Variants in CTIF observed in about 807,000 individuals in gnomAD.
CTIF encodes CBP80/20-dependent translation initiation factor.
CTIF carries 21 observed loss-of-function variants against 66.0 expected under a neutral mutation model. The ratio of observed to expected loss-of-function variants is 0.32; its 90% CI spans 0.23 to 0.46. CTIF has a LOEUF of 0.46. Among genes scored for constraint, CTIF ranks in the 20% least tolerant of loss-of-function variants. The pLI, the probability that CTIF is intolerant of heterozygous loss-of-function variation, is 1.00. For missense variants in CTIF, 739 were observed against 812.7 expected (o/e 0.91, Z 1.10); for synonymous variants, 345 against 326.4 (o/e 1.06, Z -0.62).
At chr18:48,846,801 G>C (rs2069089252) in intron 10 of CTIF, among the ~76,000 whole-genome samples, 1 of 151,556 alleles carries the variant, frequency 6.6e-6, no homozygotes, top group South Asian at 2.1e-4. Context: ...ATAGATACAT[G>C]GATGAAAGGA....
At chr18:48,819,406 C>T (rs984884236) in intron 10 of CTIF, among the ~76,000 whole-genome samples, 1 of 152,236 alleles carries the variant, frequency 6.6e-6, no homozygotes, top group Non-Finnish European at 1.5e-5. Context: ...TGTTCTAGGG[C>T]AGTGACCTGA....
intron 1 of CTIF, among the ~76,000 whole-genome samples, chr18:48,599,368 T>C (rs948063365): frequency 2.6e-5 from 4 of 151,772 alleles, no homozygotes; most frequent in African/African-American, 9.7e-5. Flanking sequence ...CAAAATCTCA[T>C]TTTGGGGAGA....
intron 10 of CTIF, among the ~76,000 whole-genome samples, chr18:48,824,679 C>T (rs1443537228): frequency 6.6e-6 from 1 of 151,798 alleles, no homozygotes; most frequent in Admixed American, 6.6e-5. Flanking sequence ...CTCTTGTCGC[C>T]CAGGCTGGAG....
chr18:48,835,910 C>T (rs2068798301), intron 10 of CTIF, among the ~76,000 whole-genome samples: 1 of 151,988 alleles, frequency 6.6e-6, no homozygotes, highest in Non-Finnish European at 1.5e-5. Context: ...CCCTGATCAC[C>T]TCATCCATCC....
At chr18:48,540,895 C>T (rs767014911) in intron 1 of CTIF, among the ~76,000 whole-genome samples, 2 of 152,072 alleles carry the variant, frequency 1.3e-5, no homozygotes, top group African/African-American at 2.4e-5. Flanking sequence ...GGCTGTGGGC[C>T]GGGGAAGACC....
intron 3 of CTIF, among the ~76,000 whole-genome samples, chr18:48,660,160 G>A (rs1374657269): frequency 6.7e-6 from 1 of 149,186 alleles, no homozygotes; most frequent in Non-Finnish European, 1.5e-5. Flanking sequence ...AAATATGGAT[G>A]TAGGCTCTTG....
At chr18:48,578,094 C>T (rs1232720676) in intron 1 of CTIF, among the ~76,000 whole-genome samples, 1 of 152,124 alleles carries the variant, frequency 6.6e-6, no homozygotes, top group African/African-American at 2.4e-5. Flanking sequence ...TTGTAACTGG[C>T]TTCTTTCACT....
At chr18:48,598,217 A>G (rs1360661072) in intron 1 of CTIF, among the ~76,000 whole-genome samples, 2 of 152,252 alleles carry the variant, frequency 1.3e-5, no homozygotes, top group African/African-American at 4.8e-5. Context: ...TTGGCAACCT[A>G]AGGAACATCA....
At chr18:48,654,418 A>G (rs1010771459) in intron 3 of CTIF, among the ~76,000 whole-genome samples, 2 of 152,254 alleles carry the variant, frequency 1.3e-5, no homozygotes, top group Non-Finnish European at 2.9e-5. Flanking sequence ...TCAAAACCAC[A>G]ATGAGATACC....
At chr18:48,619,940 C>T (rs1015209274) in intron 2 of CTIF, among the ~76,000 whole-genome samples, 195 bp downstream of exon 2, 1 of 152,168 alleles carries the variant, frequency 6.6e-6, no homozygotes, top group African/African-American at 2.4e-5. Flanking sequence ...TGCACCCCGT[C>T]CCTCTAACCC....
intron 6 of CTIF, among the ~76,000 whole-genome samples, chr18:48,700,636 A>T (rs1227432094): frequency 1.3e-5 from 2 of 152,338 alleles, no homozygotes; most frequent in East Asian, 3.9e-4. Flanking sequence ...TGCTCAGAAG[A>T]AGCAGAGCAG....
chr18:48,546,627 G>C (rs1360432552), intron 1 of CTIF, among the ~76,000 whole-genome samples: 2 of 152,156 alleles, frequency 1.3e-5, no homozygotes, highest in African/African-American at 2.4e-5. Flanking sequence ...CTAGGCCTGG[G>C]GGTTGGGAGA....
At chr18:48,683,515 C>T (rs564618877) in intron 6 of CTIF, among the ~76,000 whole-genome samples, 3 of 151,634 alleles carry the variant, frequency 2.0e-5, no homozygotes, top group Non-Finnish European at 4.4e-5. Context: ...AAGCCTTCAC[C>T]CCCCTTGCCC....
chr18:48,692,331 A>G (rs1284619459), intron 6 of CTIF, among the ~76,000 whole-genome samples: 1 of 114,452 alleles, frequency 8.7e-6, no homozygotes, highest in Admixed American at 7.8e-5. Context: ...AACAAAAAAC[A>G]AAAAACAAAA....
Position 48,609,072 on chromosome 18 carries a change from G to A in CTIF, c.-28-10466G>A, listed in dbSNP as rs149566416. ...CCAGAAGCTTTTGACAGCTGGTGGT[G>A]GGGCTCACCCATCTACCTTCAGAGT... On this transcript the variant is annotated intron_variant, in intron 1 of 11. Coordinates refer to ENST00000256413, the MANE Select transcript of CTIF (RefSeq NM_014772.3). Among the ~76,000 whole-genome samples, 471 of 152,306 alleles carry A rather than the reference G, an allele frequency of 3.1e-3. 1 individual carries two copies. Among genetic ancestry groups the A allele is most frequent in the African/African-American group, 9.9e-3 (412 of 41,570 alleles).
intron 6 of CTIF, among the ~76,000 whole-genome samples, chr18:48,687,709 T>C (rs1173213687): frequency 1.3e-5 from 2 of 152,148 alleles, no homozygotes; most frequent in Non-Finnish European, 2.9e-5. Context: ...GTTGCTGAAA[T>C]TGCCAGAGCA....
chr18:48,554,212 G>C (rs537816055), intron 1 of CTIF, among the ~76,000 whole-genome samples: 2 of 152,220 alleles, frequency 1.3e-5, no homozygotes, highest in Non-Finnish European at 2.9e-5. Context: ...GGCAGGGCTA[G>C]TGCACTTCTT....
intron 8 of CTIF, among the ~76,000 whole-genome samples, chr18:48,759,143 GC>G (rs1908708098): frequency 6.6e-6 from 1 of 152,184 alleles, no homozygotes. Flanking sequence ...TGTACTTGCA[GC>G]AGTAAGTCCA....
chr18:48,838,874 A>G (rs2068872264), intron 10 of CTIF, among the ~76,000 whole-genome samples: 2 of 152,150 alleles, frequency 1.3e-5, no homozygotes, highest in African/African-American at 2.4e-5. Context: ...TCTGCATCTC[A>G]GGCCCAGGCA....
Sources: gnomAD v4.1 joint callset for allele counts (sites outside exome capture counted in the v4.1 genomes callset) on GRCh38, gnomAD v4.1.1 for gene constraint, MANE v1.5 for transcripts, NCBI Gene and HGNC (gene_info 2026-07-23, HGNC 2026-07-21) for gene names.